C6: variants seen among roughly 807,000 people sequenced by gnomAD.
C6 encodes the protein complement C6, also known as complement component C6.
A neutral mutation model predicts 112.9 loss-of-function variants in C6; 101 were observed. The ratio of observed to expected loss-of-function variants is 0.89; its 90% confidence interval spans 0.76 to 1.06. The LOEUF (loss-of-function observed/expected upper bound fraction) is 1.06, where lower values mean the gene tolerates loss of function less well. Ranked by LOEUF, C6 falls within the 50% of genes least tolerant of loss-of-function variation. The pLI is 0.00. For synonymous variants in C6, 431 were observed against 384.1 expected, an observed-to-expected ratio of 1.12 and a Z score of -1.43; for missense variants, 1,202 against 1,104.6, an observed-to-expected ratio of 1.09 and a Z score of -1.25.
chr5:41,240,836 C>T (rs1740661573), intron 1 of C6, among the ~76,000 whole-genome samples: 1 of 152,104 alleles, frequency 6.6e-6, no homozygotes, highest in Non-Finnish European at 1.5e-5. Context: ...AGGTGGGCTT[C>T]TCTTTAGGTC....
intron 9 of C6, among the ~76,000 whole-genome samples, chr5:41,171,527 T>C (rs192065357): frequency 2.6e-5 from 4 of 152,330 alleles, no homozygotes; most frequent in Non-Finnish European, 5.9e-5. Context: ...AGATGTTTAG[T>C]GGACAGTAGA....
Position 41,160,186 on chromosome 5 carries a change from G to C in C6, c.1640C>G (p.Thr547Ser). 6.2e-7 allele frequency: 1 copy of C among 1,613,840 alleles called. No homozygotes were observed. The highest frequency in any genetic ancestry group is 8.5e-7 in the Non-Finnish European group (1 of 1,179,802). Residue 547 changes from threonine to serine, a missense_variant, in exon 11 of 18, where the codon ACC (threonine) becomes AGC (serine). Physicochemically the swap from Thr to Ser is moderately conservative, Grantham distance 58. Coordinates refer to ENST00000337836, the MANE Select transcript of C6 (RefSeq NM_000065.5). ...TECLCVCQSGTYGENCEKQSP... is the reference protein window; with the variant it reads ...TECLCVCQSGSYGENCEKQSP... ...CTGTTTCTCACAGTTCTCACCATAG[G>C]TGCCACTCTGACACACACACAGACA...
intron 1 of C6, among the ~76,000 whole-genome samples, chr5:41,259,099 G>T (rs1741887583): frequency 6.6e-6 from 1 of 152,154 alleles, no homozygotes; most frequent in South Asian, 2.1e-4. Flanking sequence ...TCACAGATGA[G>T]AAGTTTCATT....
chr5:41,223,817 ATTCT>A (rs139867795), intron 1 of C6, among the ~76,000 whole-genome samples: 3,904 of 152,250 alleles, frequency 0.026, 170 homozygotes, highest in African/African-American at 0.089. Context: ...TTTCAATAAT[ATTCT>A]TTATTTTCCT....
chr5:41,240,006 A>G (rs1211203024), intron 1 of C6, among the ~76,000 whole-genome samples: 1 of 151,974 alleles, frequency 6.6e-6, no homozygotes, highest in Non-Finnish European at 1.5e-5. Context: ...ATGTGACTAG[A>G]CACTTTTCTC....
intron 1 of C6, among the ~76,000 whole-genome samples, chr5:41,251,699 C>T (rs1191826492): frequency 6.6e-6 from 1 of 152,188 alleles, no homozygotes; most frequent in African/African-American, 2.4e-5. Flanking sequence ...TAGGCAAATA[C>T]AAAATATATT....
At chr5:41,234,588 G>A (rs756171633) in intron 1 of C6, among the ~76,000 whole-genome samples, 1 of 152,010 alleles carries the variant, frequency 6.6e-6, no homozygotes, top group Non-Finnish European at 1.5e-5. Flanking sequence ...TCATTGCTCT[G>A]TAGTTTCTCC....
chr5:41,230,396 G>A (rs1008861623), intron 1 of C6, among the ~76,000 whole-genome samples: 1 of 152,032 alleles, frequency 6.6e-6, no homozygotes, highest in African/African-American at 2.4e-5. Context: ...TGCATTCCTG[G>A]GGGGAGGTCT....
Position 41,160,463 on chromosome 5 carries a change from A to C in C6, c.1459-96T>G, listed in dbSNP as rs181921148. ...TCTCTGAAATGAGAGGGAAAGCCTG[A>C]AAATTTTACACTTCAAAGGGATTAT... On this transcript the variant is annotated intron_variant, in intron 10 of 17. Transcript: ENST00000337836. The C allele has an allele frequency of 9.7e-6, 9 of 928,080 alleles. No homozygotes were observed. The East Asian group carries it at 1.7e-4, about 18-fold the overall frequency. The allele number at this position is 928,080 out of a possible 1,614,324, so 57.5% of individuals were successfully genotyped here.
intron 1 of C6, among the ~76,000 whole-genome samples, chr5:41,255,765 G>C (rs953849618): frequency 3.3e-5 from 5 of 152,204 alleles, no homozygotes; most frequent in Non-Finnish European, 7.3e-5. Flanking sequence ...TCCCAGAGAA[G>C]GGAATATGAG....
chr5:41,204,901 C>A (rs1454610782), intron 1 of C6, among the ~76,000 whole-genome samples: 3 of 151,998 alleles, frequency 2.0e-5, no homozygotes, highest in Non-Finnish European at 2.9e-5. Context: ...GATCTCCTGA[C>A]CTCGTGATCA....
intron 1 of C6, among the ~76,000 whole-genome samples, chr5:41,227,242 A>G (rs952039391): frequency 2.0e-5 from 3 of 151,834 alleles, no homozygotes; most frequent in Non-Finnish European, 4.4e-5. Flanking sequence ...CCTGTTGGTC[A>G]TTTGTATGTC....
chr5:41,199,255 TTTAAG>T (rs1318260778), intron 4 of C6, among the ~76,000 whole-genome samples: 1 of 152,216 alleles, frequency 6.6e-6, no homozygotes, highest in Non-Finnish European at 1.5e-5. Context: ...TTATTGTAAC[TTTAAG>T]TTGACTGTTT....
At chr5:41,154,905 A>G in intron 14 of C6, 67 bp downstream of exon 14, 8 of 1,494,854 alleles carry the variant, frequency 5.4e-6, no homozygotes, top group Non-Finnish European at 7.5e-6. Flanking sequence ...ATGTGATTTT[A>G]CTGTTTTTAT....
chr5:41,160,082 C>T, intron 11 of C6, 60 bp downstream of exon 11: 1 of 1,368,896 alleles, frequency 7.3e-7, no homozygotes, highest in Admixed American at 1.7e-5. Context: ...AATTGACCAA[C>T]TTAGAATACT....
chr5:41,261,166 A>G, intron 1 of C6: 1 of 984,858 alleles, frequency 1.0e-6, no homozygotes, highest in Non-Finnish European at 1.2e-6. Context: ...CCAATTAAAA[A>G]AAAAGAAGAA....
intron 1 of C6, among the ~76,000 whole-genome samples, chr5:41,206,408 T>C (rs2150377590): frequency 6.6e-6 from 1 of 151,960 alleles, no homozygotes; most frequent in East Asian, 1.9e-4. Flanking sequence ...TTCAGACGAT[T>C]GGTAATAACA....
At chr5:41,200,894 T>G (rs979913663) in intron 3 of C6, among the ~76,000 whole-genome samples, 36 of 16,332 alleles carry the variant, frequency 2.2e-3, no homozygotes, top group African/African-American at 3.3e-3. Context: ...TGTTGTTGTT[T>G]TTTTTTTTTT....
chr5:41,176,058 T>A (rs1748815445), intron 8 of C6, among the ~76,000 whole-genome samples: 1 of 152,214 alleles, frequency 6.6e-6, no homozygotes, highest in Non-Finnish European at 1.5e-5. Flanking sequence ...TAATTCGTTA[T>A]AAGGTATTGC....
Sources: gnomAD v4.1 joint callset for allele counts (sites outside exome capture counted in the v4.1 genomes callset) on GRCh38, gnomAD v4.1.1 for gene constraint, MANE v1.5 for transcripts, NCBI Gene and HGNC (gene_info 2026-07-23, HGNC 2026-07-21) for gene names.